Variants in MAGI3 observed in about 807,000 individuals in gnomAD.
MAGI3 encodes the protein membrane-associated guanylate kinase, WW and PDZ domain-containing protein 3.
MAGI3 carries 43 observed loss-of-function variants against 121.8 expected under a neutral mutation model. That is an observed-to-expected ratio of 0.35 (90% CI 0.28 to 0.46). MAGI3 has a LOEUF of 0.46. Ranked by LOEUF, MAGI3 falls within the 20% of genes least tolerant of loss-of-function variation. The pLI is 1.00. For synonymous variants in MAGI3, 553 were observed against 639.3 expected, an observed-to-expected ratio of 0.86 and a Z score of 2.04; for missense variants, 1,547 against 1,797.3, an observed-to-expected ratio of 0.86 and a Z score of 2.52.
At chr1:113,531,833 G>T (rs1658742496) in intron 1 of MAGI3, among the ~76,000 whole-genome samples, 2 of 152,202 alleles carry the variant, frequency 1.3e-5, no homozygotes, top group Admixed American at 1.3e-4. Context: ...TATGCATACT[G>T]CAGCCACACT....
intron 5 of MAGI3, among the ~76,000 whole-genome samples, chr1:113,591,667 A>G (rs1468596079): frequency 6.6e-6 from 1 of 152,172 alleles, no homozygotes; most frequent in Non-Finnish European, 1.5e-5. Flanking sequence ...ACAATTATAC[A>G]AAGCAGGTAC....
chr1:113,575,424 G>A (rs1449472063), intron 2 of MAGI3, among the ~76,000 whole-genome samples: 4 of 152,192 alleles, frequency 2.6e-5, no homozygotes, highest in Admixed American at 6.5e-5. Context: ...CTGTTTGTTA[G>A]TTTCCCTTCT....
chr1:113,541,574 G>A (rs545815980), intron 1 of MAGI3, among the ~76,000 whole-genome samples: 13 of 152,222 alleles, frequency 8.5e-5, no homozygotes, highest in South Asian at 8.3e-4. Context: ...TGTAACGAGC[G>A]TGGCATACTT....
chr1:113,475,824 C>T (rs973867113), intron 1 of MAGI3, among the ~76,000 whole-genome samples: 4 of 152,172 alleles, frequency 2.6e-5, no homozygotes, highest in Non-Finnish European at 5.9e-5. Flanking sequence ...CTTTGTACCT[C>T]TGGTAGAATT....
chr1:113,674,483 C>T (rs1647754477), intron 19 of MAGI3, among the ~76,000 whole-genome samples: 1 of 148,612 alleles, frequency 6.7e-6, no homozygotes, highest in South Asian at 2.2e-4. Flanking sequence ...ACATTAAAAA[C>T]TTTTAATTTC....
Position 113,429,554 on chromosome 1 carries a change from A to C in MAGI3, c.316+38205A>C, listed in dbSNP as rs546050787. ...CCCACAATCAGTCTGATTGCTTGTG[A>C]AGGTGACCAATCAGAGGCTGAAGTG... On this transcript the variant is annotated intron_variant, in intron 1 of 20. Transcript: ENST00000307546. Among the ~76,000 whole-genome samples, 4 of 152,232 alleles carry C rather than the reference A, an allele frequency of 2.6e-5. No individual in the cohort carries two copies. The East Asian group carries it at 7.7e-4, about 29-fold the overall frequency.
intron 1 of MAGI3, among the ~76,000 whole-genome samples, chr1:113,453,131 A>G (rs1386087410): frequency 6.6e-6 from 1 of 152,210 alleles, no homozygotes; most frequent in Non-Finnish European, 1.5e-5. Flanking sequence ...TCTTGTATGT[A>G]TAGGATACAA....
chr1:113,621,384 G>A (rs947672440), intron 8 of MAGI3, among the ~76,000 whole-genome samples: 2 of 152,098 alleles, frequency 1.3e-5, no homozygotes, highest in Non-Finnish European at 2.9e-5. Flanking sequence ...TTGACAGTAG[G>A]GAGGTCATTA....
chr1:113,445,722 G>A (rs531208965), intron 1 of MAGI3, among the ~76,000 whole-genome samples: 5 of 152,266 alleles, frequency 3.3e-5, no homozygotes, highest in African/African-American at 1.2e-4. Flanking sequence ...AACTTTGGAG[G>A]CCAAAAGGCT....
intron 1 of MAGI3, among the ~76,000 whole-genome samples, chr1:113,472,607 T>A (rs574136491): frequency 1.8e-4 from 28 of 152,162 alleles, no homozygotes; most frequent in African/African-American, 2.9e-4. Flanking sequence ...GTTTTTTTTT[T>A]AATAATGATA....
At chr1:113,678,111 TTG>T (rs999625013) in intron 19 of MAGI3, among the ~76,000 whole-genome samples, 1 of 139,692 alleles carries the variant, frequency 7.2e-6, no homozygotes, top group Admixed American at 7.1e-5. Context: ...CAAGTTTTTG[TTG>T]TTTTTTTTTT....
At chr1:113,540,533 G>A (rs540491905) in intron 1 of MAGI3, among the ~76,000 whole-genome samples, 1 of 152,164 alleles carries the variant, frequency 6.6e-6, no homozygotes, top group African/African-American at 2.4e-5. Flanking sequence ...AGATTTATGT[G>A]TACACAGCAC....
At chr1:113,507,867 C>A (rs1002898723) in intron 1 of MAGI3, among the ~76,000 whole-genome samples, 3 of 152,282 alleles carry the variant, frequency 2.0e-5, no homozygotes, top group South Asian at 2.1e-4. Context: ...AGATTAGACA[C>A]CCCAGTGGAA....
At chr1:113,448,804 A>G (rs2101479007) in intron 1 of MAGI3, among the ~76,000 whole-genome samples, 1 of 152,280 alleles carries the variant, frequency 6.6e-6, no homozygotes, top group South Asian at 2.1e-4. Context: ...TTTTAATGTT[A>G]CATTAGTTGC....
At position 113,660,494 on chromosome 1, in the gene MAGI3, A is replaced by G. The variant is rs1298962489; in HGVS notation, c.2815+1229A>G. 2.6e-5 allele frequency among the ~76,000 whole-genome samples: 4 copies of G among 151,860 alleles called. No homozygotes were observed. The East Asian group carries it at 5.8e-4, about 22-fold the overall frequency. On this transcript the variant is annotated intron_variant, in intron 16 of 20. Transcript: ENST00000307546. Reference sequence around the variant, plus strand: ...GCCTTCCCCCGCAACCGCAACTCCCATAGCACCTCCTATCTCTGCACTTCA... The same window carrying G: ...GCCTTCCCCCGCAACCGCAACTCCCGTAGCACCTCCTATCTCTGCACTTCA...
intron 2 of MAGI3, among the ~76,000 whole-genome samples, chr1:113,556,877 A>ACCC: frequency 6.6e-6 from 1 of 152,324 alleles, no homozygotes; most frequent in Middle Eastern, 3.4e-3. Context: ...AATAAGGAAT[A>ACCC]TTCTGAATAA....
At chr1:113,646,371 C>A in intron 11 of MAGI3, 115 bp from the exon 12 acceptor site, 1 of 763,894 alleles carries the variant, frequency 1.3e-6, no homozygotes, top group Non-Finnish European at 2.0e-6. Flanking sequence ...TGTCTTTGAT[C>A]CTGCCACCTA....
At chr1:113,540,199 T>C (rs1006486056) in intron 1 of MAGI3, among the ~76,000 whole-genome samples, 1 of 152,228 alleles carries the variant, frequency 6.6e-6, no homozygotes, top group Non-Finnish European at 1.5e-5. Flanking sequence ...TTGGAAACAC[T>C]ATCAGTATAA....
chr1:113,471,036 A>G (rs1241213629), intron 1 of MAGI3, among the ~76,000 whole-genome samples: 2 of 152,166 alleles, frequency 1.3e-5, no homozygotes, highest in Non-Finnish European at 2.9e-5. Flanking sequence ...TCTTCTGGTA[A>G]TCTTACAGGT....
Sources: allele counts gnomAD v4.1 joint callset (sites outside exome capture counted in the v4.1 genomes callset), GRCh38; gene constraint gnomAD v4.1.1; transcripts MANE v1.5; gene names NCBI Gene and HGNC (gene_info 2026-07-23, HGNC 2026-07-21).